Variants in NOBOX observed in about 807,000 individuals in gnomAD.
NOBOX encodes the protein homeobox protein NOBOX.
In NOBOX, 46 loss-of-function variants were observed where a neutral mutation model predicts 60.2. That is an observed-to-expected ratio of 0.76 (90% CI 0.60 to 0.98). NOBOX has a LOEUF of 0.98. Ranked by LOEUF, NOBOX falls within the 50% of genes least tolerant of loss-of-function variation. The pLI is 0.00. For missense variants in NOBOX, 880 were observed against 865.5 expected, an observed-to-expected ratio of 1.02 and a Z score of -0.21; for synonymous variants, 360 against 346.3, an observed-to-expected ratio of 1.04 and a Z score of -0.44.
intron 1 of NOBOX, chr7:144,410,103 T>C (rs1451955636): frequency 1.2e-5 from 16 of 1,281,482 alleles, no homozygotes; most frequent in Admixed American, 2.0e-5. Flanking sequence ...CAGAGTGTGG[T>C]GCTCACAATT....
Position 144,398,398 on chromosome 7 carries a change from G to C in NOBOX, c.1658C>G (p.Pro553Arg), listed in dbSNP as rs564664696. ...AAACATAAAGAGAGAGTCTTCGGGC[G>C]GTGGAAGCGTCAGTGAACTGGGCAT... Residue 553 changes from proline (P) to arginine (R), a missense_variant, in exon 9 of 10, where the codon CCG becomes CGG. Transcript: ENST00000467773. The C allele has an allele frequency of 6.5e-7, 1 of 1,537,236 alleles. No homozygotes were observed.
chr7:144,408,421 G>A (rs146627370), intron 1 of NOBOX, among the ~76,000 whole-genome samples: 121 of 152,136 alleles, frequency 8.0e-4, no homozygotes, highest in African/African-American at 2.6e-3. Flanking sequence ...ACTGATTAGC[G>A]TTTTGTGTAT....
At position 144,404,628 on chromosome 7, in the gene NOBOX, G is replaced by A. The variant is rs370043070; in HGVS notation, c.138C>T (p.Tyr46=). 9 of 1,613,832 alleles carry A rather than the reference G, an allele frequency of 5.6e-6. No individual in the cohort carries two copies. In the Admixed American group the frequency reaches 1.3e-4, roughly 24 times the overall value. Residue 46 remains tyrosine, a synonymous_variant, in exon 2 of 10, where the codon TAC becomes TAT. Coordinates refer to ENST00000467773, the MANE Select transcript of NOBOX (RefSeq NM_001080413.3). Reference sequence around the variant, plus strand: ...AGGAGCTGAAAGAGCCACAGACTCCGTAGATCCGGTACAGTCCACACACAG... The same window carrying A: ...AGGAGCTGAAAGAGCCACAGACTCCATAGATCCGGTACAGTCCACACACAG...
intron 5 of NOBOX, 135 bp downstream of exon 3, chr7:144,400,071 G>A (rs1444740750): frequency 1.3e-6 from 2 of 1,589,766 alleles, no homozygotes; most frequent in Non-Finnish European, 1.7e-6. Flanking sequence ...GAAACAGTCA[G>A]GGACACAGCC....
intron 9 of NOBOX, among the ~76,000 whole-genome samples, chr7:144,397,957 C>A (rs1157218666): frequency 1.3e-5 from 2 of 152,174 alleles, no homozygotes; most frequent in African/African-American, 4.8e-5. Context: ...TGTATCTAAT[C>A]CTCACCAAGT....
At position 144,398,186 on chromosome 7, in the gene NOBOX, T is replaced by C. The variant is rs2053906795; in HGVS notation, c.1774+96A>G. 3 of 1,098,274 alleles carry C rather than the reference T, an allele frequency of 2.7e-6. No homozygotes were observed. The East Asian group carries it at 7.7e-5, about 28-fold the overall frequency. 68.0% of individuals were successfully genotyped at this position (1,098,274 alleles called of 1,614,324 possible). A position where few individuals can be genotyped will look rare whatever the true frequency, so the allele number is the denominator to read the frequency against. ...AACAGAAGGATTCATTCACCACCCA[T>C]GACCTGCCTCAGTCTACCCTCCAGA... On this transcript the variant is annotated intron_variant, in intron 9 of 9. Transcript: ENST00000467773.
intron 1 of NOBOX, among the ~76,000 whole-genome samples, chr7:144,408,012 T>G (rs568834028): frequency 6.5e-4 from 99 of 152,118 alleles, no homozygotes; most frequent in Non-Finnish European, 1.3e-3. Context: ...TCTATTCTAG[T>G]CTTCTCCAGG....
In NOBOX at chr7:144,410,210, T is replaced by C; in HGVS notation, c.18A>G (p.Thr6=). 1 of 1,567,024 alleles carries C rather than the reference T, an allele frequency of 6.4e-7. No homozygotes were observed. Among genetic ancestry groups the C allele is most frequent in the Non-Finnish European group, 8.7e-7 (1 of 1,154,434 alleles). The change falls in exon 1 of 10, where the codon ACA becomes ACG. Residue 6 remains threonine (T), a synonymous_variant. Transcript: ENST00000467773. ...TACCCTCCAGGTCTGGTGATGTTAG[T>C]GTCAAAAGGAGAGCCATGTCATGGC...
intron 2 of NOBOX, among the ~76,000 whole-genome samples, chr7:144,402,946 G>T (rs760928099): frequency 9.9e-5 from 15 of 151,886 alleles, no homozygotes; most frequent in Non-Finnish European, 1.5e-4. Context: ...TAGTAGAGAT[G>T]GGGTTTTGCC....
Position 144,405,611 on chromosome 7 carries a change from G to A in NOBOX, c.86-931C>T, listed in dbSNP as rs530588046. 7.9e-5 allele frequency among the ~76,000 whole-genome samples: 12 copies of A among 152,312 alleles called. No homozygotes were observed. The East Asian group carries it at 2.3e-3, about 29-fold the overall frequency. On this transcript the variant is annotated intron_variant, in intron 1 of 9. Coordinates refer to ENST00000467773, the MANE Select transcript of NOBOX (RefSeq NM_001080413.3). ...GACAGTGACCCCTGACTGCCAGGAT[G>A]AACGGCAAGCTCTGACATCTGGGTC... is the stretch of plus-strand genomic sequence containing the variant.
At position 144,404,720 on chromosome 7, in the gene NOBOX, G is replaced by A. The variant is rs746975645; in HGVS notation, c.86-40C>T. ...GTGGTTACTGTGTTTCCATCCATTT[G>A]GTGTTTCGATTTTATTCTCTGAGAA... On this transcript the variant is annotated intron_variant, in intron 1 of 9. Coordinates refer to ENST00000467773, the MANE Select transcript of NOBOX (RefSeq NM_001080413.3). 7 of 1,605,496 alleles carry A rather than the reference G, an allele frequency of 4.4e-6. No homozygotes were observed. The Admixed American group carries it at 1.2e-4, about 28-fold the overall frequency.
intron 1 of NOBOX, chr7:144,410,110 A>G: frequency 7.1e-7 from 1 of 1,414,254 alleles, no homozygotes; most frequent in Non-Finnish European, 9.8e-7. Context: ...TGGTGCTCAC[A>G]ATTTTGCTGT....
Position 144,399,176 on chromosome 7 carries a change from G to C in NOBOX, c.1243C>G (p.Pro415Ala). Reference sequence around the variant, plus strand: ...TGGTCAGAAGTCAGCAGCATGGGGGGCTCTAGGAACAGAAGGCAAAGAGGT... The same window carrying C: ...TGGTCAGAAGTCAGCAGCATGGGGGCCTCTAGGAACAGAAGGCAAAGAGGT... The change falls in exon 8 of 10, where the codon CCC (proline) becomes GCC (alanine). Residue 415 changes from proline (P) to alanine (A), a missense_variant and splice_region_variant. By Grantham distance (27) the Pro-to-Ala change is conservative. Transcript: ENST00000467773. The C allele has an allele frequency of 2.0e-6, 3 of 1,517,304 alleles. No individual in the cohort carries two copies. The highest frequency in any genetic ancestry group is 1.7e-4 in the Middle Eastern group (1 of 5,730). 94.0% of individuals were successfully genotyped at this position (1,517,304 alleles called of 1,614,324 possible).
chr7:144,397,371 G>A lies in NOBOX; in HGVS notation c.1945C>T (p.Pro649Ser). 6 of 1,537,258 alleles carry A rather than the reference G, an allele frequency of 3.9e-6. No individual in the cohort carries two copies. Among genetic ancestry groups the A allele is most frequent in the Non-Finnish European group, 4.4e-6 (5 of 1,146,900 alleles). The change falls in exon 10 of 10, where the codon CCT becomes TCT. Residue 649 changes from proline to serine, a missense_variant. Pro to Ser is a moderately conservative substitution (Grantham distance 74). Coordinates refer to ENST00000467773, the MANE Select transcript of NOBOX (RefSeq NM_001080413.3). ...CCAGTCCCTGGTCTGGCCCCTTCAG[G>A]CATCCATGAGAGAGCTGACGAAGGC...
intron 1 of NOBOX, among the ~76,000 whole-genome samples, chr7:144,406,949 A>G (rs1397622114): frequency 6.6e-6 from 1 of 151,952 alleles, no homozygotes; most frequent in Non-Finnish European, 1.5e-5. Flanking sequence ...TGACTAGTTC[A>G]TAGCCTAACT....
Position 144,397,438 on chromosome 7 carries a change from A to G in NOBOX, c.1878T>C (p.Pro626=). The G allele has an allele frequency of 6.5e-7, 1 of 1,537,278 alleles. No homozygotes were observed. Among genetic ancestry groups the G allele is most frequent in the Middle Eastern group, 1.7e-4 (1 of 5,990 alleles). Residue 626 remains proline (P), a synonymous_variant, in exon 10 of 10, where the codon CCT becomes CCC. Transcript: ENST00000467773. ...GGGGGCAGGGAGTTGGAAATAGATCAGGAAAGTAGCCATCCCCTCCTGGGG... is the reference window on the plus strand; with the variant it reads ...GGGGGCAGGGAGTTGGAAATAGATCGGGAAAGTAGCCATCCCCTCCTGGGG...
chr7:144,399,103 G>C lies in NOBOX; in HGVS notation c.1316C>G (p.Thr439Ser), dbSNP rs1188377443. 2.4e-6 allele frequency: 3 copies of C among 1,251,408 alleles called. No homozygotes were observed. The highest frequency in any genetic ancestry group is 2.3e-6 in the Non-Finnish European group (2 of 857,252). 77.5% of individuals were successfully genotyped at this position (1,251,408 alleles called of 1,614,324 possible). A position where few individuals can be genotyped will look rare whatever the true frequency, so the allele number is the denominator to read the frequency against. The change falls in exon 8 of 10, where the codon ACC (threonine) becomes AGC (serine). Residue 439 changes from threonine to serine, a missense_variant. Physicochemically the swap from Thr to Ser is moderately conservative, Grantham distance 58. Transcript: ENST00000467773. ...AGGTGGGGGGCTGAAGAGTGGGGGG[G>C]TCACCACCCTCTGAGCACCCTCACT...
At chr7:144,403,614 C>T (rs1253456972) in intron 2 of NOBOX, 43 bp downstream of exon 1, 2 of 696,836 alleles carry the variant, frequency 2.9e-6, no homozygotes, top group African/African-American at 1.8e-5. Flanking sequence ...TCCCCGAACC[C>T]CCAAAGCCTG....
chr7:144,399,691 T>G, intron 6 of NOBOX, 66 bp downstream of exon 4: 1 of 1,375,316 alleles, frequency 7.3e-7, no homozygotes, highest in South Asian at 1.2e-5. Flanking sequence ...TTCTAGACCC[T>G]CAGGATCCCA....
Sources: allele counts gnomAD v4.1 joint callset (sites outside exome capture counted in the v4.1 genomes callset), GRCh38; gene constraint gnomAD v4.1.1; transcripts MANE v1.5; gene names NCBI Gene and HGNC (gene_info 2026-07-23, HGNC 2026-07-21).